The following LOXL2 variants were observed in gnomAD, a reference collection of about 807,000 sequenced individuals.
LOXL2 encodes lysyl oxidase homolog 2.
A neutral mutation model predicts 93.0 loss-of-function variants in LOXL2; 70 were observed. The observed-to-expected ratio is 0.75, with a 90% confidence interval of 0.62 to 0.92. The LOEUF (loss-of-function observed/expected upper bound fraction) is 0.92. LOXL2 is among the 40% of genes least tolerant of loss of function. The probability of loss-of-function intolerance (pLI) is 0.00; values close to 1 mark genes in which losing one functional copy is unlikely to be tolerated. For missense variants in LOXL2, 973 were observed against 1,054.9 expected, an observed-to-expected ratio of 0.92 and a Z score of 1.08; for synonymous variants, 438 against 413.2, an observed-to-expected ratio of 1.06 and a Z score of -0.73.
rs761624027 is a variant in LOXL2 at position 23,360,188 on chromosome 8, C to T, written c.433G>A (p.Val145Ile). The change falls in exon 3 of 14, where the codon GTC becomes ATC. Residue 145 changes from valine (V) to isoleucine (I), a missense_variant. By Grantham distance (29) the Val-to-Ile change is conservative. Transcript: ENST00000389131. Reference protein sequence around the residue: ...LAACTSNGWGVTDCKHTEDVG... With the variant: ...LAACTSNGWGITDCKHTEDVG... Reference sequence around the variant, plus strand: ...TCCTCCGTGTGCTTGCAGTCAGTGACGCCCCAGCCATTGGAGGTGCATGCT... The same window carrying T: ...TCCTCCGTGTGCTTGCAGTCAGTGATGCCCCAGCCATTGGAGGTGCATGCT... The T allele has an allele frequency of 9.8e-5, 158 of 1,613,982 alleles. No individual in the cohort carries two copies. The highest frequency in any genetic ancestry group is 1.2e-4 in the African/African-American group (9 of 74,914).
chr8:23,367,211 G>A (rs1486304186), intron 2 of LOXL2, among the ~76,000 whole-genome samples: 1 of 152,028 alleles, frequency 6.6e-6, no homozygotes, highest in Non-Finnish European at 1.5e-5. Flanking sequence ...ACCATGCCCG[G>A]CTAATTTTTG....
rs1803741237 is a variant in LOXL2 at position 23,333,571 on chromosome 8, T to C, written c.796A>G (p.Thr266Ala). Residue 266 changes from threonine to alanine, a missense_variant, in exon 5 of 14, where the codon ACC (threonine) becomes GCC (alanine). Thr to Ala is a moderately conservative substitution (Grantham distance 58, BLOSUM62 0). Transcript: ENST00000389131. ...QRYWPFSMDC[T>A]GTEAHISSCK... ...CTGGAGATGTGGGCCTCTGTGCCGG[T>C]GCAGTCCATGGAGAATGGCCAGTAG... is the stretch of plus-strand genomic sequence containing the variant. 6.2e-7 allele frequency: 1 copy of C among 1,613,734 alleles called. No homozygotes were observed. The highest frequency in any genetic ancestry group is 1.3e-5 in the African/African-American group (1 of 74,930).
chr8:23,338,022 G>A (rs899049004), intron 4 of LOXL2, among the ~76,000 whole-genome samples: 8 of 152,194 alleles, frequency 5.3e-5, no homozygotes, highest in Non-Finnish European at 5.9e-5. Context: ...ACAGTTTCAC[G>A]TGACTGGGGA....
intron 12 of LOXL2, among the ~76,000 whole-genome samples, chr8:23,300,104 T>C (rs1803104292): frequency 6.6e-6 from 1 of 152,240 alleles, no homozygotes; most frequent in Non-Finnish European, 1.5e-5. Context: ...TGCCAAGGCC[T>C]CCAGCTGTGC....
In LOXL2 at chr8:23,395,893, C is replaced by T. The variant is rs139845533; in HGVS notation, c.-84+8061G>A. Reference sequence around the variant, plus strand: ...TTTACCCTGTTGCCCAGGCTGGTCTCGAACTCCCGAGCTCAGGCAATCCCC... The same window carrying T: ...TTTACCCTGTTGCCCAGGCTGGTCTTGAACTCCCGAGCTCAGGCAATCCCC... On this transcript the variant is annotated intron_variant, in intron 1 of 13. Transcript: ENST00000389131. 1.4e-3 allele frequency among the ~76,000 whole-genome samples: 207 copies of T among 152,096 alleles called. 1 individual carries two copies. Among genetic ancestry groups the T allele is most frequent in the Non-Finnish European group, 2.3e-3 (154 of 67,990 alleles).
intron 2 of LOXL2, among the ~76,000 whole-genome samples, chr8:23,361,396 C>T (rs1804288627): frequency 6.6e-6 from 1 of 152,148 alleles, no homozygotes. Flanking sequence ...CCCACGGAGC[C>T]ACCTCATCAT....
chr8:23,400,192 C>G (rs1800138576), intron 1 of LOXL2, among the ~76,000 whole-genome samples: 1 of 152,198 alleles, frequency 6.6e-6, no homozygotes, highest in African/African-American at 2.4e-5. Context: ...GCAGAAGGCT[C>G]TGGTGTTGTA....
At chr8:23,342,555 C>T in intron 3 of LOXL2, among the ~76,000 whole-genome samples, 1 of 152,036 alleles carries the variant, frequency 6.6e-6, no homozygotes, top group South Asian at 2.1e-4. Context: ...CCTCAGCCTC[C>T]CAAGTAGCTG....
chr8:23,310,424 G>T (rs1328499314), intron 9 of LOXL2, among the ~76,000 whole-genome samples: 1 of 152,156 alleles, frequency 6.6e-6, no homozygotes, highest in Non-Finnish European at 1.5e-5. Context: ...GTGGATTTAT[G>T]GTGCACTAAT....
At chr8:23,311,172 G>T (rs1019072346) in intron 9 of LOXL2, among the ~76,000 whole-genome samples, 1 of 152,244 alleles carries the variant, frequency 6.6e-6, no homozygotes, top group African/African-American at 2.4e-5. Context: ...CCCCCTCCAG[G>T]CTTACAGGCT....
chr8:23,321,808 T>G, intron 7 of LOXL2: 5 of 285,580 alleles, frequency 1.8e-5, no homozygotes, highest in Non-Finnish European at 2.6e-5. Flanking sequence ...CTGCACCGTG[T>G]TTTGATAAGG....
intron 12 of LOXL2, 86 bp downstream of exon 12, chr8:23,301,941 T>G: frequency 1.3e-6 from 2 of 1,535,228 alleles, no homozygotes; most frequent in East Asian, 4.6e-5. Context: ...TCCATGCCCC[T>G]GTGTGGACAC....
At chr8:23,361,524 A>C (rs1429092491) in intron 2 of LOXL2, among the ~76,000 whole-genome samples, 2 of 152,032 alleles carry the variant, frequency 1.3e-5, no homozygotes, top group Non-Finnish European at 2.9e-5. Context: ...ACACCACCTC[A>C]CACCCTTAGG....
chr8:23,380,407 A>AAAAAAAAAAAAGC (rs1554483369), intron 1 of LOXL2, among the ~76,000 whole-genome samples: 1 of 31,576 alleles, frequency 3.2e-5, no homozygotes, highest in African/African-American at 1.9e-4. Flanking sequence ...AAAAAAAAAA[A>AAAAAAAAAAAAGC]AAAAGACATC....
chr8:23,301,938 C>T, intron 12 of LOXL2, 89 bp downstream of exon 12: 2 of 1,519,346 alleles, frequency 1.3e-6, no homozygotes, highest in Non-Finnish European at 1.8e-6. Context: ...ACTTCCATGC[C>T]CCTGTGTGGA....
chr8:23,357,217 C>G (rs777403473), intron 3 of LOXL2, among the ~76,000 whole-genome samples: 5 of 152,180 alleles, frequency 3.3e-5, no homozygotes, highest in Middle Eastern at 6.8e-3. Context: ...TTACAGGCAC[C>G]CACCACCATG....
chr8:23,346,837 T>C (rs893242496), intron 3 of LOXL2, among the ~76,000 whole-genome samples: 3 of 152,132 alleles, frequency 2.0e-5, no homozygotes, highest in African/African-American at 7.2e-5. Context: ...TGAGAAGTCA[T>C]CCTGAGGGTG....
intron 6 of LOXL2, among the ~76,000 whole-genome samples, chr8:23,325,360 TG>T (rs1253061312): frequency 5.9e-5 from 9 of 152,314 alleles, no homozygotes; most frequent in African/African-American, 2.2e-4. Context: ...GACATGATCA[TG>T]GTTCACTGCA....
rs993336360 is a variant in LOXL2 at position 23,297,936 on chromosome 8, C to A, written c.*107G>T. On this transcript the variant is annotated 3_prime_UTR_variant, in exon 14 of 14. Coordinates refer to ENST00000389131, the MANE Select transcript of LOXL2 (RefSeq NM_002318.3). ...GTAGGGGTCTGGACAGGGTGGGGGCCGGGCTGGGTGAGGGCACGTGGCATT... is the reference window on the plus strand; with the variant it reads ...GTAGGGGTCTGGACAGGGTGGGGGCAGGGCTGGGTGAGGGCACGTGGCATT... 1.1e-5 allele frequency: 10 copies of A among 880,416 alleles called. No homozygotes were observed. In the African/African-American group the frequency reaches 1.6e-4, roughly 14 times the overall value. The allele number at this position is 880,416 out of a possible 1,614,324, so 54.5% of individuals were successfully genotyped here.
Sources: gnomAD v4.1 joint callset for allele counts (sites outside exome capture counted in the v4.1 genomes callset) on GRCh38, gnomAD v4.1.1 for gene constraint, MANE v1.5 for transcripts, NCBI Gene and HGNC (gene_info 2026-07-23, HGNC 2026-07-21) for gene names.